Variants in ATP6V0E1 observed in about 807,000 individuals in gnomAD.
ATP6V0E1 encodes ATPase H+ transporting V0 subunit e1.
In ATP6V0E1, 4 loss-of-function variants were observed where a neutral mutation model predicts 11.6. The observed-to-expected ratio is 0.35, with a 90% CI of 0.17 to 0.79. The LOEUF (loss-of-function observed/expected upper bound fraction) is 0.79, where lower values mean the gene tolerates loss of function less well. Among genes scored for constraint, ATP6V0E1 ranks in the 30% least tolerant of loss-of-function variants. ATP6V0E1 has a pLI of 0.54. For synonymous variants in ATP6V0E1, 36 were observed against 34.8 expected (o/e 1.04, Z -0.13); for missense variants, 105 against 100.0 (o/e 1.05, Z -0.21).
At chr5:172,993,344 A>G (rs565048152) in intron 1 of ATP6V0E1, among the ~76,000 whole-genome samples, 1 of 151,724 alleles carries the variant, frequency 6.6e-6, no homozygotes, top group African/African-American at 2.4e-5. Context: ...CCCCATCTCT[A>G]CTAAAAATAC....
chr5:173,002,581 G>A (rs1756175696), intron 2 of ATP6V0E1, among the ~76,000 whole-genome samples: 2 of 152,178 alleles, frequency 1.3e-5, no homozygotes, highest in African/African-American at 4.8e-5. Context: ...TTCATAAGTG[G>A]TGTTGAGTAC....
At position 173,030,655 on chromosome 5, in the gene ATP6V0E1, G is replaced by T. The variant is rs183490062; in HGVS notation, c.*37-3744G>T. Among the ~76,000 whole-genome samples the T allele has an allele frequency of 5.8e-3, 885 of 151,836 alleles. 10 individuals are homozygous for T. Among genetic ancestry groups the T allele is most frequent in the African/African-American group, 0.02 (839 of 41,432 alleles). On this transcript the variant is annotated intron_variant, in intron 3 of 3. Transcript: ENST00000519374. ...GGGGTTTCACCATGTTTGCCAGGCTGGTCTTGAACTCCTGATCTCAGGTGA... is the reference window on the plus strand; with the variant it reads ...GGGGTTTCACCATGTTTGCCAGGCTTGTCTTGAACTCCTGATCTCAGGTGA...
chr5:173,003,209 G>A (rs971034700), intron 2 of ATP6V0E1, among the ~76,000 whole-genome samples: 1 of 152,014 alleles, frequency 6.6e-6, no homozygotes, highest in African/African-American at 2.4e-5. Context: ...GGAATCTTCC[G>A]AGGTCATAAC....
chr5:173,006,437 C>A (rs184299529), intron 2 of ATP6V0E1, among the ~76,000 whole-genome samples: 113 of 152,060 alleles, frequency 7.4e-4, no homozygotes, highest in African/African-American at 2.7e-3. Context: ...GGTGAAACTC[C>A]GTCTCTACTA....
chr5:172,986,894 TCTC>T (rs1344385317), intron 1 of ATP6V0E1: 1 of 324,698 alleles, frequency 3.1e-6, no homozygotes, highest in Non-Finnish European at 6.0e-6. Flanking sequence ...TTCAAGCAAT[TCTC>T]CTGCCTCAGC....
intron 2 of ATP6V0E1, among the ~76,000 whole-genome samples, chr5:172,998,519 G>A (rs1351787074): frequency 6.6e-6 from 1 of 151,572 alleles, no homozygotes; most frequent in Non-Finnish European, 1.5e-5. Flanking sequence ...GCTGAGGCAG[G>A]AGAATTGCTT....
At chr5:173,023,257 G>A (rs893496452) in intron 3 of ATP6V0E1, among the ~76,000 whole-genome samples, 1 of 152,070 alleles carries the variant, frequency 6.6e-6, no homozygotes, top group Non-Finnish European at 1.5e-5. Flanking sequence ...GCAGTGGCAC[G>A]ATCTCAACTC....
chr5:172,999,444 C>G (rs372750996), intron 2 of ATP6V0E1, among the ~76,000 whole-genome samples: 82 of 152,228 alleles, frequency 5.4e-4, no homozygotes, highest in Middle Eastern at 6.8e-3. Context: ...CTGCCTCAGC[C>G]TCCTGAGTAG....
At chr5:173,016,152 T>G (rs1442649119) in intron 2 of ATP6V0E1, among the ~76,000 whole-genome samples, 2 of 152,146 alleles carry the variant, frequency 1.3e-5, no homozygotes, top group Non-Finnish European at 2.9e-5. Flanking sequence ...GAAGCACAGG[T>G]AGAACAACCT....
At chr5:173,023,388 T>A (rs1403410489) in intron 3 of ATP6V0E1, among the ~76,000 whole-genome samples, 1 of 152,010 alleles carries the variant, frequency 6.6e-6, no homozygotes, top group Non-Finnish European at 1.5e-5. Context: ...TAGAGATGGG[T>A]TTTCACCATG....
chr5:173,027,178 C>CAAAAAAAAA (rs1158447516), intron 3 of ATP6V0E1, among the ~76,000 whole-genome samples: 1 of 26,048 alleles, frequency 3.8e-5, no homozygotes, highest in Non-Finnish European at 7.2e-5. Context: ...GACTCCGTCT[C>CAAAAAAAAA]AAAAAAAAAA....
At chr5:173,020,653 C>G in intron 3 of ATP6V0E1, 1 of 528,910 alleles carries the variant, frequency 1.9e-6, no homozygotes, top group Non-Finnish European at 3.7e-6. Flanking sequence ...AAAAAAGTAA[C>G]TGTTTATACT....
chr5:173,030,088 C>CTCTT (rs1243581601), intron 3 of ATP6V0E1, among the ~76,000 whole-genome samples: 1 of 152,204 alleles, frequency 6.6e-6, no homozygotes, highest in Non-Finnish European at 1.5e-5. Flanking sequence ...CTGATGCTTT[C>CTCTT]TCTTTCAGTG....
At chr5:173,032,287 T>G (rs1756676801) in intron 3 of ATP6V0E1, among the ~76,000 whole-genome samples, 1 of 150,132 alleles carries the variant, frequency 6.7e-6, no homozygotes, top group South Asian at 2.1e-4. Context: ...ATTTATTTAT[T>G]TATTTATTTA....
rs1325342565 is a variant in ATP6V0E1, at chr5:172,983,970, T to C, written c.104+6T>C. 1.2e-6 allele frequency: 2 copies of C among 1,611,662 alleles called. No individual in the cohort carries two copies. The highest frequency in any genetic ancestry group is 1.7e-6 in the Non-Finnish European group (2 of 1,179,384). On this transcript the variant is annotated splice_donor_region_variant and intron_variant, in intron 1 of 3. Coordinates refer to ENST00000519374, the MANE Select transcript of ATP6V0E1 (RefSeq NM_003945.4). ...CCTAAGGGTCCTAACCGGGGGTAAG[T>C]GCGTGAGGCCCGCCTTGGGAGGAAC...
chr5:172,988,645 A>G (rs972246724), intron 1 of ATP6V0E1, among the ~76,000 whole-genome samples: 1 of 152,152 alleles, frequency 6.6e-6, no homozygotes. Context: ...CTGCAAATCA[A>G]ATTTTTCAGG....
At position 173,014,902 on chromosome 5, in the gene ATP6V0E1, A is replaced by G. The variant is rs186365850; in HGVS notation, c.153-5336A>G. On this transcript the variant is annotated intron_variant, in intron 2 of 3. Coordinates refer to ENST00000519374, the MANE Select transcript of ATP6V0E1 (RefSeq NM_003945.4). ...ATACTAACGGGAAGCGAGGACTTGAAATGATACCAACACAGAGAAATGGTA... is the reference window on the plus strand; with the variant it reads ...ATACTAACGGGAAGCGAGGACTTGAGATGATACCAACACAGAGAAATGGTA... Among the ~76,000 whole-genome samples, 163 of 152,344 alleles carry G rather than the reference A, an allele frequency of 1.1e-3. 1 individual carries two copies. The highest frequency in any genetic ancestry group is 3.8e-3 in the African/African-American group (156 of 41,578).
chr5:172,987,342 G>A (rs1337959991), intron 1 of ATP6V0E1: 1 of 151,198 alleles, frequency 6.6e-6, no homozygotes, highest in African/African-American at 2.5e-5. Flanking sequence ...GGAGTGCAGT[G>A]GTGCCATCTT....
intron 2 of ATP6V0E1, among the ~76,000 whole-genome samples, chr5:173,002,184 G>A (rs2113590664): frequency 6.6e-6 from 1 of 152,236 alleles, no homozygotes; most frequent in East Asian, 1.9e-4. Context: ...ATTTCAATAT[G>A]TGTCTCTAAA....
Sources: allele counts gnomAD v4.1 joint callset (sites outside exome capture counted in the v4.1 genomes callset), GRCh38; gene constraint gnomAD v4.1.1; transcripts MANE v1.5; gene names NCBI Gene and HGNC (gene_info 2026-07-23, HGNC 2026-07-21).